ACBD6: variants seen among roughly 807,000 people sequenced by gnomAD.
ACBD6 encodes acyl-CoA-binding domain-containing protein 6.
A neutral mutation model predicts 37.2 loss-of-function variants in ACBD6; 28 were observed. That is an observed-to-expected ratio of 0.75 (90% confidence interval 0.56 to 1.03). The LOEUF (loss-of-function observed/expected upper bound fraction) is 1.03, where lower values mean the gene tolerates loss of function less well. Ranked by LOEUF, ACBD6 falls within the 50% of genes least tolerant of loss-of-function variation. The pLI is 0.00. For missense variants in ACBD6, 340 were observed against 337.4 expected (o/e 1.01, Z -0.06); for synonymous variants, 113 against 126.8 (o/e 0.89, Z 0.73).
chr1:180,278,204 T>TAAAC (rs1649155855), intron 9 of ACBD6: 3 of 152,372 alleles, frequency 2.0e-5, no homozygotes, highest in South Asian at 2.1e-4. Flanking sequence ...GGCTCATTTT[T>TAAAC]AAACACTGCA....
At chr1:180,382,553 CAGTGA>C (rs1653697156) in intron 6 of ACBD6, among the ~76,000 whole-genome samples, 2 of 152,052 alleles carry the variant, frequency 1.3e-5, no homozygotes, top group African/African-American at 4.8e-5. Flanking sequence ...GAGATTGAAT[CAGTGA>C]TAAAAAGTCT....
intron 7 of ACBD6, among the ~76,000 whole-genome samples, chr1:180,292,364 C>T (rs1225438337): frequency 2.6e-5 from 4 of 152,134 alleles, no homozygotes; most frequent in Non-Finnish European, 4.4e-5. Flanking sequence ...GAATTATACA[C>T]ATACAAATCT....
intron 6 of ACBD6, among the ~76,000 whole-genome samples, chr1:180,369,968 CTTTT>C (rs1382304615): frequency 1.3e-5 from 2 of 152,124 alleles, no homozygotes; most frequent in African/African-American, 4.8e-5. Flanking sequence ...AATCTGAATT[CTTTT>C]TTTCTTTTCC....
At chr1:180,450,029 G>T (rs528983188) in intron 3 of ACBD6, among the ~76,000 whole-genome samples, 1 of 146,958 alleles carries the variant, frequency 6.8e-6, no homozygotes, top group South Asian at 2.2e-4. Context: ...AATCTTCAAT[G>T]TGGGAATAAG....
intron 3 of ACBD6, among the ~76,000 whole-genome samples, chr1:180,469,300 T>TAAAGTAA (rs1650468504): frequency 6.6e-6 from 1 of 152,210 alleles, no homozygotes. Flanking sequence ...CAAACATTGG[T>TAAAGTAA]AGTTTTGAAA....
intron 6 of ACBD6, among the ~76,000 whole-genome samples, chr1:180,358,077 AAG>A (rs1652695700): frequency 6.6e-6 from 1 of 152,226 alleles, no homozygotes; most frequent in African/African-American, 2.4e-5. Context: ...GTTTTTAACA[AAG>A]AGGTTTTCAC....
intron 1 of ACBD6, among the ~76,000 whole-genome samples, chr1:180,499,701 G>A (rs962412617): frequency 1.3e-5 from 2 of 152,212 alleles, no homozygotes; most frequent in Non-Finnish European, 2.9e-5. Context: ...GTAAATATTT[G>A]TTAAATAATC....
chr1:180,272,861 G>A (rs1648762934), intron 12 of ACBD6: 1 of 152,236 alleles, frequency 6.6e-6, no homozygotes, highest in South Asian at 2.1e-4. Context: ...AACCAACTGT[G>A]GATGTGCTTG....
At chr1:180,278,483 A>G (rs1020705944) in intron 9 of ACBD6, 1 of 152,100 alleles carries the variant, frequency 6.6e-6, no homozygotes, top group African/African-American at 2.4e-5. Context: ...CACTAAAAGC[A>G]CAGTTTCATG....
chr1:180,370,852 A>G (rs889672663), intron 6 of ACBD6, among the ~76,000 whole-genome samples: 3 of 147,684 alleles, frequency 2.0e-5, no homozygotes, highest in African/African-American at 7.3e-5. Context: ...ATCAGAGAGG[A>G]GTTGTTTTAT....
chr1:180,457,798 T>TA (rs1217664154), intron 3 of ACBD6, among the ~76,000 whole-genome samples: 2 of 151,822 alleles, frequency 1.3e-5, no homozygotes, highest in Non-Finnish European at 2.9e-5. Context: ...TAACTGTTTT[T>TA]TTTTTTTTTT....
In ACBD6 at chr1:180,490,917, T is replaced by C. The variant is rs1426966337; in HGVS notation, c.384+1352A>G. Reference sequence around the variant, plus strand: ...AGGTTACGTTGAGCCAAGATCCTACTACTGTGCTCCAGTCTGAGTGATAGA... The same window carrying C: ...AGGTTACGTTGAGCCAAGATCCTACCACTGTGCTCCAGTCTGAGTGATAGA... On this transcript the variant is annotated intron_variant, in intron 3 of 7. Transcript: ENST00000367595. 4.1e-5 allele frequency among the ~76,000 whole-genome samples: 6 copies of C among 144,790 alleles called. No homozygotes were observed. The Admixed American group carries it at 4.3e-4, about 10-fold the overall frequency. 95.0% of individuals were successfully genotyped at this position (144,790 alleles called of 152,430 possible). A position where few individuals can be genotyped will look rare whatever the true frequency, so the allele number is the denominator to read the frequency against.
chr1:180,304,688 T>C (rs1490900520), intron 7 of ACBD6, among the ~76,000 whole-genome samples: 1 of 150,800 alleles, frequency 6.6e-6, no homozygotes, highest in East Asian at 1.9e-4. Flanking sequence ...CAAGGTAATT[T>C]ATAGATTCAA....
At chr1:180,429,991 T>C (rs1490127282) in intron 4 of ACBD6, among the ~76,000 whole-genome samples, 189 bp downstream of exon 4, 1 of 152,176 alleles carries the variant, frequency 6.6e-6, no homozygotes, top group Admixed American at 6.5e-5. Flanking sequence ...TTATTTCCTG[T>C]CATTTATTGT....
intron 6 of ACBD6, among the ~76,000 whole-genome samples, chr1:180,366,631 C>T (rs1306754434): frequency 1.3e-5 from 2 of 152,058 alleles, no homozygotes; most frequent in Non-Finnish European, 2.9e-5. Context: ...GCTGTTCATT[C>T]TCAGATATAA....
chr1:180,341,496 T>G (rs2149306446), intron 6 of ACBD6, among the ~76,000 whole-genome samples: 1 of 152,266 alleles, frequency 6.6e-6, no homozygotes, highest in South Asian at 2.1e-4. Context: ...TTGTTTGCAT[T>G]ATCAGTTTTC....
exon 14 of ACBD6, chr1:180,270,792 T>C (rs1648599439): frequency 1.3e-5 from 2 of 159,224 alleles, no homozygotes. Flanking sequence ...GTTTTAGTTT[T>C]GATCCACTAA....
At chr1:180,435,590 A>C (rs115129266) in intron 3 of ACBD6, 23,096 of 1,072,266 alleles carry the variant, frequency 0.022, 369 homozygotes, top group Non-Finnish European at 0.022. Context: ...AGTAACCCAG[A>C]GCAACTTTGC....
chr1:180,374,705 G>A (rs1653373410), intron 6 of ACBD6, among the ~76,000 whole-genome samples: 1 of 151,880 alleles, frequency 6.6e-6, no homozygotes, highest in Admixed American at 6.6e-5. Flanking sequence ...ACTATGTGAC[G>A]GAAAACAGGA....
Sources: gnomAD v4.1 joint callset for allele counts (sites outside exome capture counted in the v4.1 genomes callset) on GRCh38, gnomAD v4.1.1 for gene constraint, MANE v1.5 for transcripts, NCBI Gene and HGNC (gene_info 2026-07-23, HGNC 2026-07-21) for gene names.